SPATA31H1: variants seen among roughly 807,000 people sequenced by gnomAD.
The protein encoded by SPATA31H1 is SPATA31 subfamily H member 1.
the SPATA31H1 span, among the ~76,000 whole-genome samples, chr2:27,563,510 C>A: frequency 6.7e-6 from 1 of 148,316 alleles, no homozygotes; most frequent in Non-Finnish European, 1.5e-5. Context: ...ATCCTCCTAC[C>A]TCAGCCACCC....
the SPATA31H1 span, chr2:27,582,298 G>T: frequency 6.8e-6 from 11 of 1,612,378 alleles, no homozygotes; most frequent in East Asian, 1.8e-4. Context: ...GAGAGAACCC[G>T]TCACAGTCCC....
At chr2:27,573,334 G>T in the SPATA31H1 span, 1 of 397,388 alleles carries the variant, frequency 2.5e-6, no homozygotes, top group African/African-American at 2.1e-5. Context: ...CAGCTTGGAA[G>T]TGTGAACTCT....
the SPATA31H1 span, chr2:27,580,560 A>C: frequency 6.2e-7 from 1 of 1,614,232 alleles, no homozygotes; most frequent in Non-Finnish European, 8.5e-7. Context: ...GATTGGAGCA[A>C]CTCAGACAAG....
the SPATA31H1 span, chr2:27,579,355 T>C: frequency 6.2e-7 from 1 of 1,614,222 alleles, no homozygotes; most frequent in South Asian, 1.1e-5. Flanking sequence ...ATTCAGAATT[T>C]ATTTGGGATT....
the SPATA31H1 span, among the ~76,000 whole-genome samples, chr2:27,551,827 C>CT: frequency 6.9e-4 from 105 of 151,482 alleles, 1 homozygote; most frequent in African/African-American, 2.2e-3. Flanking sequence ...TCTAGACTAG[C>CT]TTTTTTTTTT....
chr2:27,537,598 T>A, the SPATA31H1 span: 2 of 714,624 alleles, frequency 2.8e-6, no homozygotes, highest in Admixed American at 2.0e-5. Context: ...CCCTTGAAAC[T>A]AACTGGTCCC....
the SPATA31H1 span, among the ~76,000 whole-genome samples, chr2:27,547,979 CTTT>C: frequency 8.8e-6 from 1 of 113,258 alleles, no homozygotes; most frequent in Non-Finnish European, 1.7e-5. Context: ...ATAGTAATTT[CTTT>C]TTTTTTTTTT....
chr2:27,572,463 T>C, the SPATA31H1 span: 2 of 398,206 alleles, frequency 5.0e-6, no homozygotes, highest in Non-Finnish European at 8.9e-6. Flanking sequence ...TATGATAGCA[T>C]CTAAATTGGT....
the SPATA31H1 span, among the ~76,000 whole-genome samples, chr2:27,548,731 A>T: frequency 6.6e-6 from 1 of 151,714 alleles, no homozygotes; most frequent in South Asian, 2.1e-4. Context: ...TAATCTGTAA[A>T]TTCTCCATCT....
At chr2:27,566,221 T>C in the SPATA31H1 span, 10 of 710,962 alleles carry the variant, frequency 1.4e-5, no homozygotes, top group Admixed American at 1.4e-4. Flanking sequence ...GTTAAATCTC[T>C]CTTATTGTTT....
chr2:27,581,525 G>A, the SPATA31H1 span: 15 of 1,609,402 alleles, frequency 9.3e-6, no homozygotes, highest in Non-Finnish European at 1.1e-5. Flanking sequence ...GTCCCTCAGA[G>A]AGAAGCCATC....
At chr2:27,577,213 G>A in the SPATA31H1 span, 9 of 1,613,876 alleles carry the variant, frequency 5.6e-6, no homozygotes, top group African/African-American at 1.1e-4. The surrounding 1 kb of genome is among the most constrained non-coding windows in gnomAD (Gnocchi z 4.5). Flanking sequence ...CCAATGGTAA[G>A]GGATCAAGGC....
chr2:27,541,916 C>T, the SPATA31H1 span, among the ~76,000 whole-genome samples: 1 of 151,740 alleles, frequency 6.6e-6, no homozygotes, highest in South Asian at 2.1e-4. Flanking sequence ...GACTACAGGC[C>T]CATGCCACCA....
At chr2:27,579,384 C>T in the SPATA31H1 span, 8 of 1,614,108 alleles carry the variant, frequency 5.0e-6, no homozygotes, top group Admixed American at 5.0e-5. Flanking sequence ...ACTGATGGAA[C>T]CTTCCCAGAG....
chr2:27,539,249 C>G, the SPATA31H1 span, among the ~76,000 whole-genome samples: 2 of 149,682 alleles, frequency 1.3e-5, no homozygotes, highest in African/African-American at 5.1e-5. Flanking sequence ...GCCAGAGGAC[C>G]CTGCGGCCTT....
At chr2:27,567,541 A>T in the SPATA31H1 span, 4 of 403,280 alleles carry the variant, frequency 9.9e-6, no homozygotes, top group African/African-American at 8.2e-5. Flanking sequence ...ACAGAAACAA[A>T]ACTTTCACAG....
the SPATA31H1 span, among the ~76,000 whole-genome samples, chr2:27,541,125 G>C: frequency 6.7e-6 from 1 of 148,606 alleles, no homozygotes; most frequent in East Asian, 2.0e-4. Flanking sequence ...AGGAGACTCC[G>C]TCTGCAATCC....
the SPATA31H1 span, chr2:27,570,981 T>C: frequency 2.5e-6 from 1 of 398,796 alleles, no homozygotes; most frequent in Non-Finnish European, 4.4e-6. Flanking sequence ...ATCTTCTGAA[T>C]TGATACAAAG....
the SPATA31H1 span, chr2:27,566,877 T>A: frequency 5.6e-6 from 4 of 717,514 alleles, no homozygotes; most frequent in Non-Finnish European, 7.8e-6. Context: ...CAGCATCTCC[T>A]TTAGTTCATC....
Sources: allele counts gnomAD v4.1 joint callset (sites outside exome capture counted in the v4.1 genomes callset), GRCh38; gene constraint gnomAD v4.1.1; non-coding constraint Gnocchi (gnomAD v3.1); transcripts MANE v1.5; gene names NCBI Gene and HGNC (gene_info 2026-07-23, HGNC 2026-07-21).